The following LCORL variants were observed in gnomAD, a reference collection of about 807,000 sequenced individuals.
LCORL encodes ligand dependent nuclear receptor corepressor like.
Under a neutral mutation model 141.8 loss-of-function variants are expected in LCORL, and 41 were observed. The observed-to-expected ratio is 0.29, with a 90% confidence interval of 0.23 to 0.38. The LOEUF (loss-of-function observed/expected upper bound fraction) is 0.38. Among genes scored for constraint, LCORL ranks in the 10% least tolerant of loss-of-function variants. LCORL has a pLI of 1.00. For missense variants in LCORL, 1,759 were observed against 2,035.0 expected, an observed-to-expected ratio of 0.86 and a Z score of 2.61; for synonymous variants, 618 against 694.1, an observed-to-expected ratio of 0.89 and a Z score of 1.72.
intron 7 of LCORL, among the ~76,000 whole-genome samples, chr4:17,872,228 T>G (rs550527275): frequency 1.3e-5 from 2 of 152,126 alleles, no homozygotes; most frequent in Non-Finnish European, 2.9e-5. Context: ...TCAATATCCC[T>G]CATTGTCCAG....
At chr4:17,871,091 C>G (rs1726285020) in intron 7 of LCORL, among the ~76,000 whole-genome samples, 1 of 151,764 alleles carries the variant, frequency 6.6e-6, no homozygotes, top group Non-Finnish European at 1.5e-5. Context: ...ACATATAAAA[C>G]TAATAATGAG....
At chr4:17,931,326 A>C (rs934534612) in intron 4 of LCORL, among the ~76,000 whole-genome samples, 1 of 151,282 alleles carries the variant, frequency 6.6e-6, no homozygotes, top group Non-Finnish European at 1.5e-5. Flanking sequence ...AACCTCATTA[A>C]TTTTTTGCTT....
chr4:17,919,139 T>A (rs1193130483), intron 4 of LCORL, among the ~76,000 whole-genome samples: 1 of 151,868 alleles, frequency 6.6e-6, no homozygotes, highest in Non-Finnish European at 1.5e-5. Flanking sequence ...ACCAATAAAT[T>A]AGATAACCTA....
At chr4:17,845,291 C>G (rs897288668) in exon 8 of LCORL, 2 of 154,282 alleles carry the variant, frequency 1.3e-5, no homozygotes, top group African/African-American at 4.8e-5. Flanking sequence ...TAAGAGATAC[C>G]TTTGCCTTTT....
At chr4:18,014,240 G>A (rs755435423) in intron 1 of LCORL, among the ~76,000 whole-genome samples, 2 of 152,082 alleles carry the variant, frequency 1.3e-5, no homozygotes, top group Admixed American at 6.6e-5. Flanking sequence ...GAAGAAACTA[G>A]ACAAACTGAA....
At chr4:17,916,756 T>A (rs115899330) in intron 4 of LCORL, among the ~76,000 whole-genome samples, 1 of 149,670 alleles carries the variant, frequency 6.7e-6, no homozygotes, top group Non-Finnish European at 1.5e-5. Flanking sequence ...GCAATTCTCA[T>A]GTCTCCATCT....
At chr4:17,924,612 A>G (rs1734829218) in intron 4 of LCORL, among the ~76,000 whole-genome samples, 1 of 152,182 alleles carries the variant, frequency 6.6e-6, no homozygotes. Flanking sequence ...TCCTGCACGC[A>G]ATGCTTCTGC....
rs149568350 is a variant in LCORL at position 17,949,644 on chromosome 4, A to G, written c.430+12259T>C. On this transcript the variant is annotated intron_variant, in intron 4 of 7. Transcript: ENST00000635767. ...TATTGTAAAGCCTGTATTGGAAACAATACACTTTCTTCTCCTAGCTCTTAC... is the reference window on the plus strand; with the variant it reads ...TATTGTAAAGCCTGTATTGGAAACAGTACACTTTCTTCTCCTAGCTCTTAC... 2.6e-5 allele frequency among the ~76,000 whole-genome samples: 4 copies of G among 152,262 alleles called. No individual in the cohort carries two copies. The East Asian group carries it at 7.7e-4, about 29-fold the overall frequency.
intron 5 of LCORL, among the ~76,000 whole-genome samples, chr4:17,906,744 T>C (rs1020348103): frequency 1.3e-5 from 2 of 150,478 alleles, no homozygotes; most frequent in Middle Eastern, 3.6e-3. Context: ...TGGAATGCAG[T>C]GGCGCGATCT....
In LCORL at chr4:17,954,447, A is replaced by C. The variant is rs111456067; in HGVS notation, c.430+7456T>G. Among the ~76,000 whole-genome samples the C allele has an allele frequency of 4.6e-5, 7 of 152,324 alleles. 1 individual carries two copies. The highest frequency in any genetic ancestry group is 1.7e-4 in the African/African-American group (7 of 41,584). ...AAGATGTGGTCAAGGAGGAGACAGA[A>C]CCAGACCACATAGAGTCCTTGAGAG... is the stretch of plus-strand genomic sequence containing the variant. On this transcript the variant is annotated intron_variant, in intron 4 of 7. Coordinates refer to ENST00000635767, the Ensembl canonical transcript of LCORL.
chr4:17,992,392 T>C (rs1193904329), intron 1 of LCORL, among the ~76,000 whole-genome samples: 1 of 152,182 alleles, frequency 6.6e-6, no homozygotes, highest in Non-Finnish European at 1.5e-5. Context: ...GGGATTACAA[T>C]TCAACATGAG....
In LCORL at chr4:17,949,698, T is replaced by C. The variant is rs538664670; in HGVS notation, c.430+12205A>G. On this transcript the variant is annotated intron_variant, in intron 4 of 7. Transcript: ENST00000635767. ...AAGTAGAATTTATACTTCTTGTAAT[T>C]CCATAAAATCTATTTCTTAAATTCT... 6.6e-5 allele frequency among the ~76,000 whole-genome samples: 10 copies of C among 152,296 alleles called. No homozygotes were observed. In the East Asian group the frequency reaches 1.7e-3, roughly 26 times the overall value.
At chr4:17,992,216 G>A (rs1375546714) in intron 1 of LCORL, among the ~76,000 whole-genome samples, 1 of 152,160 alleles carries the variant, frequency 6.6e-6, no homozygotes, top group African/African-American at 2.4e-5. Flanking sequence ...AAGCAAATGT[G>A]TCATTCTTCA....
intron 2 of LCORL, among the ~76,000 whole-genome samples, chr4:17,963,540 T>G (rs1714277539): frequency 6.6e-6 from 1 of 151,886 alleles, no homozygotes; most frequent in Non-Finnish European, 1.5e-5. Context: ...AGCTCAAAAG[T>G]CAGAACAGAT....
At chr4:17,883,965 A>G in intron 6 of LCORL, 1 of 1,550,808 alleles carries the variant, frequency 6.4e-7, no homozygotes, top group Non-Finnish European at 8.7e-7. Context: ...TATTGCCGAT[A>G]GCGGCCACGT....
At chr4:17,930,481 G>C (rs1222478682) in intron 4 of LCORL, among the ~76,000 whole-genome samples, 2 of 152,184 alleles carry the variant, frequency 1.3e-5, no homozygotes, top group Non-Finnish European at 2.9e-5. Flanking sequence ...TCCACATTAA[G>C]TATTATGCTG....
intron 4 of LCORL, among the ~76,000 whole-genome samples, chr4:17,946,228 T>G (rs1347284041): frequency 6.6e-6 from 1 of 152,026 alleles, no homozygotes; most frequent in Non-Finnish European, 1.5e-5. Context: ...GTAAACTGCT[T>G]TCACACCATC....
At chr4:17,873,026 TTTAG>T (rs1350931482) in intron 7 of LCORL, among the ~76,000 whole-genome samples, 2 of 152,156 alleles carry the variant, frequency 1.3e-5, no homozygotes, top group Non-Finnish European at 2.9e-5. Flanking sequence ...GTACTTAATT[TTTAG>T]TTAGTTACTT....
chr4:17,848,564 T>A (rs915738614), intron 7 of LCORL, among the ~76,000 whole-genome samples: 3 of 152,136 alleles, frequency 2.0e-5, no homozygotes, highest in Non-Finnish European at 4.4e-5. Context: ...GATGGCCAAA[T>A]AGGAACAGCT....
Sources: allele counts gnomAD v4.1 joint callset (sites outside exome capture counted in the v4.1 genomes callset), GRCh38; gene constraint gnomAD v4.1.1; transcripts MANE v1.5; gene names NCBI Gene and HGNC (gene_info 2026-07-23, HGNC 2026-07-21).